Variants in AIM2 observed in about 807,000 individuals in gnomAD.
AIM2 encodes interferon-inducible protein AIM2.
Under a neutral mutation model 27.7 loss-of-function variants are expected in AIM2, and 30 were observed. That is an observed-to-expected ratio of 1.08 (90% confidence interval 0.81 to 1.47). The LOEUF (loss-of-function observed/expected upper bound fraction) is 1.47, where lower values mean the gene tolerates loss of function less well. Among genes scored for constraint, AIM2 ranks in the 40% most tolerant of loss-of-function variants. The pLI, the probability that AIM2 is intolerant of heterozygous loss-of-function variation, is 0.00. For missense variants in AIM2, 358 were observed against 411.3 expected, an observed-to-expected ratio of 0.87 and a Z score of 1.12; for synonymous variants, 141 against 145.3, an observed-to-expected ratio of 0.97 and a Z score of 0.21.
downstream of AIM2, among the ~76,000 whole-genome samples, chr1:159,060,389 C>A (rs1571914426): frequency 6.6e-6 from 1 of 152,180 alleles, no homozygotes; most frequent in Admixed American, 6.5e-5. Context: ...ATAATTCTAT[C>A]TTCCAACCTG....
At position 159,066,158 on chromosome 1, in the gene AIM2, CA is replaced by C. The variant is rs1013616810; in HGVS notation, c.567del (p.Phe189LeufsTer2). ...ATVATEKEFF[F>X]VKVFNTLLKD... ...TTCAGCAGTGTATTAAAAACTTTTA[CA>C]AAGAAGAATTCCTTTTCTGTAGCCA... On this transcript the variant is annotated frameshift_variant, in exon 4 of 6. Transcript: ENST00000368130. LOFTEE classifies it high-confidence loss of function. 6.2e-7 allele frequency: 1 copy of C among 1,614,046 alleles called. No individual in the cohort carries two copies. The highest frequency in any genetic ancestry group is 1.3e-5 in the African/African-American group (1 of 74,924).
At chr1:159,078,673 T>A (rs1391155535), upstream of AIM2, among the ~76,000 whole-genome samples, 1 of 152,154 alleles carries the variant, frequency 6.6e-6, no homozygotes, top group Non-Finnish European at 1.5e-5. Flanking sequence ...CCAAGAAATT[T>A]AATCAGAGAG....
At chr1:159,061,918 C>T (rs1269637257), downstream of AIM2, among the ~76,000 whole-genome samples, 1 of 152,152 alleles carries the variant, frequency 6.6e-6, no homozygotes, top group African/African-American at 2.4e-5. Context: ...CACAGATTTT[C>T]TCCCATGTTT....
intron 1 of AIM2, among the ~76,000 whole-genome samples, chr1:159,110,603 C>T (rs1657547273): frequency 6.6e-6 from 1 of 152,074 alleles, no homozygotes; most frequent in Admixed American, 6.5e-5. Context: ...CACCTATTGC[C>T]AAAGTGTGAG....
chr1:159,114,148 A>G (rs1277249825), intron 1 of AIM2, among the ~76,000 whole-genome samples: 1 of 152,204 alleles, frequency 6.6e-6, no homozygotes, highest in East Asian at 1.9e-4. Flanking sequence ...AGTAGTGGAC[A>G]AGAGACTGGG....
intron 1 of AIM2, among the ~76,000 whole-genome samples, chr1:159,116,055 T>G (rs1647338917): frequency 6.6e-6 from 1 of 152,100 alleles, no homozygotes; most frequent in Admixed American, 6.5e-5. Context: ...AAGAAGACAT[T>G]TATGCAGCCA....
chr1:159,073,281 A>G lies in AIM2; in HGVS notation c.219T>C (p.Asn73=), dbSNP rs781465952. The G allele has an allele frequency of 6.2e-6, 10 of 1,614,090 alleles. No individual in the cohort carries two copies. The East Asian group carries it at 2.2e-4, about 36-fold the overall frequency. Residue 73 remains asparagine, a synonymous_variant, in exon 2 of 6, where the codon AAT becomes AAC. Transcript: ENST00000368130. ...MKTIRIFQKL[N]YMLLAKRLQE... ...GAAGACGTTTTGCCAAAAGCATATAATTCAACTTCTGAAAAATACGAATGG... is the reference window on the plus strand; with the variant it reads ...GAAGACGTTTTGCCAAAAGCATATAGTTCAACTTCTGAAAAATACGAATGG...
intron 1 of AIM2, among the ~76,000 whole-genome samples, chr1:159,094,542 T>A (rs1360645685): frequency 6.6e-6 from 1 of 151,962 alleles, no homozygotes; most frequent in Non-Finnish European, 1.5e-5. Context: ...ACTAAAAATA[T>A]AAAAACTTAG....
intron 1 of AIM2, among the ~76,000 whole-genome samples, chr1:159,087,338 A>AT (rs397787666): frequency 1.3e-5 from 2 of 151,506 alleles, no homozygotes; most frequent in Non-Finnish European, 2.9e-5. Context: ...AAAAAAAAAA[A>AT]TGATCACCAT....
chr1:159,116,722 T>C (rs1647361891), intron 1 of AIM2, among the ~76,000 whole-genome samples: 1 of 151,886 alleles, frequency 6.6e-6, no homozygotes, highest in African/African-American at 2.4e-5. Flanking sequence ...TTTGGAGATA[T>C]ACCTAATGTT....
intron 1 of AIM2, among the ~76,000 whole-genome samples, chr1:159,102,788 C>T (rs1483101403): frequency 6.6e-6 from 1 of 152,240 alleles, no homozygotes; most frequent in Non-Finnish European, 1.5e-5. Flanking sequence ...TACTTAATGC[C>T]TGTACCCTTA....
intron 1 of AIM2, among the ~76,000 whole-genome samples, chr1:159,135,513 G>C (rs1403726170): frequency 6.6e-6 from 1 of 152,148 alleles, no homozygotes; most frequent in Non-Finnish European, 1.5e-5. Context: ...CAGGCCACTT[G>C]AGGCCCGGCT....
At chr1:159,081,570 T>C, upstream of AIM2, 2 of 488,172 alleles carry the variant, frequency 4.1e-6, no homozygotes, top group Non-Finnish European at 4.2e-6. Context: ...TCTTGAGTAT[T>C]GATTTTGCAG....
chr1:159,074,210 C>T (rs1182195340), intron 1 of AIM2, among the ~76,000 whole-genome samples: 1 of 152,130 alleles, frequency 6.6e-6, no homozygotes, highest in African/African-American at 2.4e-5. Flanking sequence ...ATTAATCAAT[C>T]TGTTCTTTCA....
chr1:159,139,804 A>G (rs1317161927), intron 1 of AIM2, among the ~76,000 whole-genome samples: 1 of 152,166 alleles, frequency 6.6e-6, no homozygotes, highest in African/African-American at 2.4e-5. Flanking sequence ...CAGCCCTCAC[A>G]ATTCCATGAA....
downstream of AIM2, among the ~76,000 whole-genome samples, chr1:159,061,277 G>T (rs1655823888): frequency 6.6e-6 from 1 of 152,064 alleles, no homozygotes; most frequent in South Asian, 2.1e-4. Flanking sequence ...ATTATGTTGA[G>T]TGTATTTTTA....
chr1:159,138,471 C>T lies in AIM2; in HGVS notation c.-16+1960G>A, dbSNP rs531218571. 3.9e-5 allele frequency among the ~76,000 whole-genome samples: 6 copies of T among 152,312 alleles called. No homozygotes were observed. The East Asian group carries it at 1.2e-3, about 29-fold the overall frequency. On this transcript the variant is annotated intron_variant, in intron 1 of 2. Transcript: ENST00000368129. ...ATCCCCAAGCATCCTTTAAATTCCT[C>T]CATAGTACATATCACTACCTAAAAT...
chr1:159,139,511 A>G (rs759843928), intron 1 of AIM2, among the ~76,000 whole-genome samples: 12 of 152,218 alleles, frequency 7.9e-5, no homozygotes, highest in Non-Finnish European at 1.5e-4. Context: ...CACTTGTAGG[A>G]AAGACAATAT....
In AIM2 at chr1:159,137,173, G is replaced by A. The variant is rs541121705; in HGVS notation, c.-16+3258C>T. ...AGCCTTATGTCAGTGATTGCCAGTG[G>A]CACTAGAATTGCCCCTCAGAAGTGG... is the stretch of plus-strand genomic sequence containing the variant. On this transcript the variant is annotated intron_variant, in intron 1 of 2. Coordinates refer to the AIM2 transcript ENST00000368129. Among the ~76,000 whole-genome samples the A allele has an allele frequency of 1.6e-4, 25 of 152,312 alleles. 2 individuals carry two copies. In the South Asian group the frequency reaches 4.6e-3, roughly 28 times the overall value.
Sources: allele counts gnomAD v4.1 joint callset (sites outside exome capture counted in the v4.1 genomes callset), GRCh38; gene constraint gnomAD v4.1.1; transcripts MANE v1.5; gene names NCBI Gene and HGNC (gene_info 2026-07-23, HGNC 2026-07-21).